TMPRSS11A: variants seen among roughly 807,000 people sequenced by gnomAD.
The protein encoded by TMPRSS11A is transmembrane protease serine 11A.
TMPRSS11A carries 53 observed loss-of-function variants against 58.9 expected under a neutral mutation model. The observed-to-expected ratio is 0.90, with a 90% CI of 0.72 to 1.13. The LOEUF is 1.13. Among genes scored for constraint, TMPRSS11A ranks in the 50% most tolerant of loss-of-function variants. The pLI is 0.00. For synonymous variants in TMPRSS11A, 167 were observed against 169.8 expected, an observed-to-expected ratio of 0.98 and a Z score of 0.13; for missense variants, 493 against 499.3, an observed-to-expected ratio of 0.99 and a Z score of 0.12.
chr4:67,956,108 C>T (rs181008051), intron 1 of TMPRSS11A, among the ~76,000 whole-genome samples: 3 of 152,136 alleles, frequency 2.0e-5, no homozygotes, highest in Admixed American at 2.0e-4. Flanking sequence ...TAAATACTAC[C>T]TAGAGATGTA....
intron 1 of TMPRSS11A, among the ~76,000 whole-genome samples, chr4:67,948,597 A>G (rs962028954): frequency 1.3e-5 from 2 of 152,346 alleles, no homozygotes; most frequent in South Asian, 2.1e-4. Context: ...CCTGAATTCT[A>G]TTGAGTAAAT....
At chr4:67,923,696 G>A (rs981696128) in intron 6 of TMPRSS11A, among the ~76,000 whole-genome samples, 2 of 152,084 alleles carry the variant, frequency 1.3e-5, no homozygotes, top group African/African-American at 4.8e-5. Flanking sequence ...TAATAGAGAT[G>A]GGTTTTCTTC....
At chr4:67,956,142 G>A (rs1305374917) in intron 1 of TMPRSS11A, among the ~76,000 whole-genome samples, 2 of 151,970 alleles carry the variant, frequency 1.3e-5, no homozygotes, top group Admixed American at 1.3e-4. Flanking sequence ...AGCAAATGAG[G>A]GACTCTAGCA....
intron 5 of TMPRSS11A, among the ~76,000 whole-genome samples, chr4:67,927,554 G>C (rs1033103614): frequency 2.6e-5 from 4 of 152,246 alleles, no homozygotes; most frequent in Non-Finnish European, 5.9e-5. Flanking sequence ...GGTTGGCCTT[G>C]GTGGGCATGG....
intron 1 of TMPRSS11A, among the ~76,000 whole-genome samples, chr4:67,957,102 G>A (rs1312562886): frequency 1.3e-5 from 2 of 152,156 alleles, no homozygotes; most frequent in Non-Finnish European, 2.9e-5. Context: ...ACATGGAACT[G>A]TGAGTCCATT....
At chr4:67,925,284 G>C (rs980310669) in intron 5 of TMPRSS11A, among the ~76,000 whole-genome samples, 3 of 152,116 alleles carry the variant, frequency 2.0e-5, no homozygotes, top group African/African-American at 7.2e-5. Context: ...ATTTTTATTT[G>C]TCAATTATAT....
chr4:67,918,276 G>T (rs1189689115), intron 8 of TMPRSS11A, among the ~76,000 whole-genome samples: 1 of 152,158 alleles, frequency 6.6e-6, no homozygotes, highest in Non-Finnish European at 1.5e-5. Context: ...CACTAAGATT[G>T]CCTAGAACAT....
rs1413762157 is a variant in TMPRSS11A, at chr4:67,930,012, C to A, written c.349G>T (p.Val117Phe). The A allele has an allele frequency of 1.2e-6, 2 of 1,612,932 alleles. No individual in the cohort carries two copies. Among genetic ancestry groups the A allele is most frequent in the African/African-American group, 2.7e-5 (2 of 74,998 alleles). The change falls in exon 5 of 10, where the codon GTC becomes TTC. Residue 117 changes from valine to phenylalanine, a missense_variant. Val to Phe is a conservative substitution (Grantham distance 50). Coordinates refer to ENST00000508048, the MANE Select transcript of TMPRSS11A (RefSeq NM_001114387.2). ...TPEEDGVKVD[V>F]IMVFQFPSTE... ...GAGGGGAACTGGAACACCATAATGA[C>A]ATCTACTTTCACACCATCTTCCTCT...
intron 6 of TMPRSS11A, 87 bp from the exon 7 acceptor site, chr4:67,923,013 C>T (rs1018412622): frequency 5.5e-6 from 7 of 1,273,252 alleles, no homozygotes; most frequent in Admixed American, 3.6e-5. Context: ...AAGACATTTT[C>T]GTATACTACT....
At chr4:67,937,439 G>T (rs1720779491) in intron 3 of TMPRSS11A, among the ~76,000 whole-genome samples, 1 of 152,132 alleles carries the variant, frequency 6.6e-6, no homozygotes, top group African/African-American at 2.4e-5. Flanking sequence ...ACAGCATAGA[G>T]GATTTATAAT....
At chr4:67,930,471 G>A (rs1720585321) in intron 4 of TMPRSS11A, among the ~76,000 whole-genome samples, 1 of 152,006 alleles carries the variant, frequency 6.6e-6, no homozygotes, top group Admixed American at 6.6e-5. Context: ...TTTCTCTTTG[G>A]TCAGCTCTGC....
Position 67,929,935 on chromosome 4 carries a change from C to T in TMPRSS11A, c.426G>A (p.Gln142=). The T allele has an allele frequency of 1.2e-6, 2 of 1,613,662 alleles. No homozygotes were observed. The highest frequency in any genetic ancestry group is 1.7e-6 in the Non-Finnish European group (2 of 1,179,720). ...GCAAGGCTCTTAAATTCCTTATCTT[C>T]TGATTTAAGATGCTTTGGATTTTCT... is the stretch of plus-strand genomic sequence containing the variant. ...REKKIQSILN[Q]KIRNLRALPI... is the part of the protein sequence containing the mutation. The change falls in exon 5 of 10, where the codon CAG becomes CAA. Residue 142 remains glutamine, a synonymous_variant. Transcript: ENST00000508048.
At chr4:67,921,034 C>G (rs887972971) in intron 7 of TMPRSS11A, among the ~76,000 whole-genome samples, 2 of 152,044 alleles carry the variant, frequency 1.3e-5, no homozygotes, top group African/African-American at 4.8e-5. Context: ...AAAAGAGAAA[C>G]TAAAGAATAG....
intron 5 of TMPRSS11A, 24 bp downstream of exon 5, chr4:67,929,856 T>G: frequency 6.4e-7 from 1 of 1,573,654 alleles, no homozygotes; most frequent in Non-Finnish European, 8.7e-7. Context: ...CAACTTCATA[T>G]CACATAGAAG....
intron 7 of TMPRSS11A, among the ~76,000 whole-genome samples, chr4:67,921,912 T>A (rs1720341568): frequency 1.3e-5 from 2 of 152,208 alleles, no homozygotes; most frequent in Admixed American, 1.3e-4. Context: ...ACAGTTAATC[T>A]ACTTAGAAAC....
At chr4:67,944,683 A>C (rs750424058) in intron 2 of TMPRSS11A, 46 bp from the exon 3 acceptor site, 1 of 1,557,376 alleles carries the variant, frequency 6.4e-7, no homozygotes, top group Non-Finnish European at 8.8e-7. Context: ...TTGGACAAAG[A>C]TTTCAGAACT....
At chr4:67,950,245 T>C (rs952510145) in intron 1 of TMPRSS11A, among the ~76,000 whole-genome samples, 4 of 152,164 alleles carry the variant, frequency 2.6e-5, no homozygotes, top group African/African-American at 4.8e-5. Context: ...ATTTAGGTAT[T>C]AGGCAGAACT....
chr4:67,916,749 C>T (rs1215275776), intron 8 of TMPRSS11A, among the ~76,000 whole-genome samples: 2 of 152,090 alleles, frequency 1.3e-5, no homozygotes, highest in East Asian at 1.9e-4. Context: ...ATGGCGTGAA[C>T]CCGGGAGGCG....
intron 1 of TMPRSS11A, among the ~76,000 whole-genome samples, chr4:67,952,538 T>C (rs939514475): frequency 6.6e-6 from 1 of 152,226 alleles, no homozygotes; most frequent in African/African-American, 2.4e-5. Flanking sequence ...TTTAAATTCT[T>C]ACATACTTTG....
Sources: gnomAD v4.1 joint callset for allele counts (sites outside exome capture counted in the v4.1 genomes callset) on GRCh38, gnomAD v4.1.1 for gene constraint, MANE v1.5 for transcripts, NCBI Gene and HGNC (gene_info 2026-07-23, HGNC 2026-07-21) for gene names.